RALYL: variants seen among roughly 807,000 people sequenced by gnomAD.
RALYL encodes the protein RNA-binding Raly-like protein.
RALYL carries 29 observed loss-of-function variants against 35.1 expected under a neutral mutation model. The observed-to-expected ratio is 0.83, with a 90% CI of 0.61 to 1.13. The LOEUF (loss-of-function observed/expected upper bound fraction) is 1.13, where lower values mean the gene tolerates loss of function less well. Ranked by LOEUF, RALYL falls within the 50% of genes most tolerant of loss-of-function variation. The pLI, the probability that RALYL is intolerant of heterozygous loss-of-function variation, is 0.00. For synonymous variants in RALYL, 120 were observed against 127.6 expected (o/e 0.94, Z 0.40); for missense variants, 359 against 360.4 (o/e 1.00, Z 0.03).
At chr8:84,509,837 G>A (rs1197354074) in intron 1 of RALYL, among the ~76,000 whole-genome samples, 3 of 152,032 alleles carry the variant, frequency 2.0e-5, no homozygotes, top group African/African-American at 7.2e-5. Flanking sequence ...TGTTCATATG[G>A]GTGTATTTCT....
Position 84,646,468 on chromosome 8 carries a change from A to G in RALYL, c.256+116891A>G, listed in dbSNP as rs191268110. 3.3e-5 allele frequency among the ~76,000 whole-genome samples: 5 copies of G among 152,160 alleles called. No individual in the cohort carries two copies. The East Asian group carries it at 5.8e-4, about 18-fold the overall frequency. On this transcript the variant is annotated intron_variant, in intron 2 of 8. Coordinates refer to ENST00000521268, the MANE Select transcript of RALYL (RefSeq NM_173848.7). ...TTAATTTAGTTTGGGGGATTGTATT[A>G]TAGGTCTCTTAAGTTCTTTGGTTGG... is the stretch of plus-strand genomic sequence containing the variant.
chr8:84,786,952 G>A (rs1819630092), intron 3 of RALYL, among the ~76,000 whole-genome samples: 1 of 152,068 alleles, frequency 6.6e-6, no homozygotes, highest in East Asian at 1.9e-4. Context: ...AAAAAATAGA[G>A]CAAAATATTA....
intron 1 of RALYL, among the ~76,000 whole-genome samples, chr8:84,188,646 A>C (rs923728699): frequency 1.3e-5 from 2 of 152,148 alleles, no homozygotes; most frequent in African/African-American, 4.8e-5. Flanking sequence ...CTGATTTCTG[A>C]ATGTATCAAT....
intron 8 of RALYL, among the ~76,000 whole-genome samples, chr8:84,901,065 T>C (rs552494271): frequency 5.9e-4 from 89 of 152,092 alleles, no homozygotes; most frequent in African/African-American, 2.0e-3. Context: ...GAGATAGAGG[T>C]TGCTTCTTAC....
At chr8:84,380,027 T>C (rs1857652995) in intron 1 of RALYL, among the ~76,000 whole-genome samples, 1 of 151,588 alleles carries the variant, frequency 6.6e-6, no homozygotes, top group South Asian at 2.1e-4. Context: ...TAAGAAACTT[T>C]AATGGTGGTA....
At chr8:84,762,834 G>A (rs558569708) in intron 2 of RALYL, among the ~76,000 whole-genome samples, 25 of 152,226 alleles carry the variant, frequency 1.6e-4, no homozygotes, top group South Asian at 6.2e-4. Flanking sequence ...ATTATCATCA[G>A]TGCATTAATA....
At chr8:84,352,794 C>T (rs4740009) in intron 1 of RALYL, among the ~76,000 whole-genome samples, 59,026 of 149,632 alleles carry the variant, frequency 0.39, 13,736 homozygotes, top group East Asian at 0.51. Context: ...AAAGGTTAAA[C>T]TATTTCCCCA....
chr8:84,516,561 C>T (rs1011585034), intron 1 of RALYL, among the ~76,000 whole-genome samples: 6 of 152,132 alleles, frequency 3.9e-5, no homozygotes, highest in Non-Finnish European at 5.9e-5. Context: ...GGTGACAACT[C>T]TATTGGACCA....
chr8:84,863,913 A>G (rs550435949), intron 6 of RALYL, among the ~76,000 whole-genome samples: 1 of 152,312 alleles, frequency 6.6e-6, no homozygotes, highest in Non-Finnish European at 1.5e-5. Context: ...GAGTTTCTGC[A>G]ACTCGTTGGA....
chr8:84,540,059 T>A (rs1428261455), intron 2 of RALYL, among the ~76,000 whole-genome samples: 1 of 151,708 alleles, frequency 6.6e-6, no homozygotes, highest in African/African-American at 2.4e-5. Context: ...ATTCCCGGTC[T>A]ATTTATTGAT....
intron 4 of RALYL, among the ~76,000 whole-genome samples, chr8:84,838,325 C>A (rs1832459813): frequency 6.6e-6 from 1 of 152,070 alleles, no homozygotes; most frequent in African/African-American, 2.4e-5. Flanking sequence ...TCCCCTCCCC[C>A]ACAAAAAAGG....
chr8:84,219,290 G>T (rs547658123), intron 1 of RALYL, among the ~76,000 whole-genome samples: 3 of 151,940 alleles, frequency 2.0e-5, no homozygotes, highest in African/African-American at 7.2e-5. Flanking sequence ...ATAAATGTTC[G>T]GTAGTTCCTC....
At chr8:84,474,868 AC>A (rs1331445190) in intron 1 of RALYL, among the ~76,000 whole-genome samples, 2 of 86,640 alleles carry the variant, frequency 2.3e-5, no homozygotes, top group Admixed American at 1.3e-4. Flanking sequence ...GCAATTCCCC[AC>A]CCCCACCCCC....
At chr8:84,796,905 G>A (rs1467581138) in intron 3 of RALYL, among the ~76,000 whole-genome samples, 3 of 152,170 alleles carry the variant, frequency 2.0e-5, no homozygotes, top group Admixed American at 6.6e-5. Flanking sequence ...CATTTATTGT[G>A]TTCTTTATCT....
At chr8:84,238,763 A>T (rs1177005890) in intron 1 of RALYL, among the ~76,000 whole-genome samples, 1 of 152,148 alleles carries the variant, frequency 6.6e-6, no homozygotes, top group Non-Finnish European at 1.5e-5. Flanking sequence ...GCTTAGTAGG[A>T]GTCAGCACAT....
Position 84,369,072 on chromosome 8 carries a change from G to A in RALYL, c.-23-160227G>A, listed in dbSNP as rs370140309. Among the ~76,000 whole-genome samples the A allele has an allele frequency of 8.5e-5, 13 of 152,194 alleles. No individual in the cohort carries two copies. In the South Asian group the frequency reaches 2.7e-3, roughly 32 times the overall value. ...TTTTGAACCTATGAATACATGATTT[G>A]TCTGACCAGAAACTAGTCTTTTGGG... On this transcript the variant is annotated intron_variant, in intron 1 of 8. Transcript: ENST00000521268.
intron 1 of RALYL, among the ~76,000 whole-genome samples, chr8:84,426,382 C>T (rs1442366426): frequency 6.6e-6 from 1 of 151,768 alleles, no homozygotes; most frequent in African/African-American, 2.4e-5. Flanking sequence ...CTACATCTCC[C>T]CATTCCTCCT....
intron 3 of RALYL, among the ~76,000 whole-genome samples, chr8:84,799,691 T>C (rs1331927684): frequency 2.6e-5 from 4 of 152,356 alleles, no homozygotes; most frequent in Non-Finnish European, 5.9e-5. Context: ...GTGCGCTGGC[T>C]CACGCCTGTA....
chr8:84,568,351 C>T (rs2061941520), intron 2 of RALYL, among the ~76,000 whole-genome samples: 1 of 151,768 alleles, frequency 6.6e-6, no homozygotes, highest in Non-Finnish European at 1.5e-5. Flanking sequence ...TTTCCAGTTT[C>T]ATCCGTGTCC....
Sources: allele counts gnomAD v4.1 joint callset (sites outside exome capture counted in the v4.1 genomes callset), GRCh38; gene constraint gnomAD v4.1.1; transcripts MANE v1.5; gene names NCBI Gene and HGNC (gene_info 2026-07-23, HGNC 2026-07-21).